The following ACSBG2 variants were observed in gnomAD, a reference collection of about 807,000 sequenced individuals.
ACSBG2 encodes acyl-CoA synthetase bubblegum family member 2.
Under a neutral mutation model 74.7 loss-of-function variants are expected in ACSBG2, and 62 were observed. The observed-to-expected ratio is 0.83, with a 90% CI of 0.68 to 1.03. The LOEUF (loss-of-function observed/expected upper bound fraction) is 1.03, where lower values mean the gene tolerates loss of function less well. Ranked by LOEUF, ACSBG2 falls within the 50% of genes least tolerant of loss-of-function variation. The pLI, the probability that ACSBG2 is intolerant of heterozygous loss-of-function variation, is 0.00. For synonymous variants in ACSBG2, 309 were observed against 294.1 expected, an observed-to-expected ratio of 1.05 and a Z score of -0.52; for missense variants, 730 against 817.6, an observed-to-expected ratio of 0.89 and a Z score of 1.31.
At chr19:6,148,354 G>C (rs2089117928) in intron 3 of ACSBG2, 1 of 153,178 alleles carries the variant, frequency 6.5e-6, no homozygotes, top group Admixed American at 6.5e-5. Context: ...GCAAAAGAAA[G>C]AGGGAACAAG....
intron 7 of ACSBG2, among the ~76,000 whole-genome samples, chr19:6,170,964 CCTTT>C (rs913076813): frequency 8.0e-5 from 12 of 150,230 alleles, no homozygotes; most frequent in African/African-American, 2.2e-4. Flanking sequence ...TTATATAATG[CCTTT>C]CTTTGTCTTT....
intron 7 of ACSBG2, among the ~76,000 whole-genome samples, chr19:6,169,920 C>T (rs149047047): frequency 0.012 from 1,879 of 152,204 alleles, 40 homozygotes; most frequent in African/African-American, 0.043. Flanking sequence ...GATTTTTGTA[C>T]ATTGATTTTG....
At chr19:6,158,099 A>G (rs1234411138) in intron 5 of ACSBG2, among the ~76,000 whole-genome samples, 1 of 145,504 alleles carries the variant, frequency 6.9e-6, no homozygotes, top group African/African-American at 2.6e-5. Context: ...TCTGTCGCCC[A>G]GGTTGGAGTG....
At chr19:6,177,914 G>GTGT (rs1491029456) in intron 8 of ACSBG2, among the ~76,000 whole-genome samples, 1 of 136,064 alleles carries the variant, frequency 7.3e-6, no homozygotes, top group South Asian at 2.4e-4. Flanking sequence ...GTGTGTGTGT[G>GTGT]TTTATAAGTC....
At chr19:6,162,488 A>G (rs2145126362) in intron 6 of ACSBG2, among the ~76,000 whole-genome samples, 2 of 145,440 alleles carry the variant, frequency 1.4e-5, no homozygotes, top group South Asian at 4.4e-4. Flanking sequence ...AATGGCGTGA[A>G]CCCAGGAGGC....
intron 7 of ACSBG2, chr19:6,176,434 TC>T: frequency 7.1e-7 from 1 of 1,417,882 alleles, no homozygotes; most frequent in East Asian, 2.6e-5. Context: ...GCTCCTGCCA[TC>T]CACGTGATCT....
At chr19:6,187,463 C>T (rs372826284) in intron 12 of ACSBG2, 41 bp downstream of exon 12, 19 of 1,610,400 alleles carry the variant, frequency 1.2e-5, no homozygotes, top group African/African-American at 6.7e-5. Context: ...TCTCTGCAGC[C>T]GGTCTTGGGT....
chr19:6,184,747 G>A (rs2090349540), intron 10 of ACSBG2, among the ~76,000 whole-genome samples: 1 of 143,496 alleles, frequency 7.0e-6, no homozygotes, highest in Admixed American at 7.4e-5. Flanking sequence ...ACTGCAGAGA[G>A]GTCTACCTGT....
At chr19:6,157,035 C>G (rs2089449666) in intron 5 of ACSBG2, among the ~76,000 whole-genome samples, 1 of 152,094 alleles carries the variant, frequency 6.6e-6, no homozygotes, top group Non-Finnish European at 1.5e-5. Context: ...CAAGCTCTGC[C>G]TCCTGGGTTC....
Position 6,181,775 on chromosome 19 carries a change from T to C in ACSBG2, c.907-976T>C, listed in dbSNP as rs535304598. The stretch of plus-strand genomic sequence containing the variant: ...CCCTAAATTTTGTGGAAGCGTTTGT[T>C]TGTTTTATTTTGTTTTGCATTTGAA... On this transcript the variant is annotated intron_variant, in intron 8 of 14. Transcript: ENST00000588485. Among the ~76,000 whole-genome samples the C allele has an allele frequency of 3.3e-5, 5 of 151,628 alleles. No individual in the cohort carries two copies. The South Asian group carries it at 1.1e-3, about 32-fold the overall frequency.
intron 7 of ACSBG2, among the ~76,000 whole-genome samples, chr19:6,173,095 C>T (rs2090005056): frequency 6.6e-6 from 1 of 152,156 alleles, no homozygotes; most frequent in Admixed American, 6.5e-5. Flanking sequence ...TGTGCCACAC[C>T]CACATTTCCT....
In ACSBG2 at chr19:6,151,763, G is replaced by A; in HGVS notation, c.354G>A (p.Trp118Ter). Residue 118 changes from tryptophan (W) to a stop codon, truncating the protein, a stop_gained, in exon 4 of 15, where the codon TGG becomes TGA. Transcript: ENST00000588485. LOFTEE classifies it high-confidence loss of function. ...TCCTGGGGTTTAACTCTGCAGAGTGGTTTATCACTGCTGTTGGTGCCATCC... is the reference window on the plus strand; with the variant it reads ...TCCTGGGGTTTAACTCTGCAGAGTGATTTATCACTGCTGTTGGTGCCATCC... ...VGILGFNSAE[W>*]FITAVGAILA... 1.2e-6 allele frequency: 2 copies of A among 1,602,082 alleles called. No homozygotes were observed. Among genetic ancestry groups the A allele is most frequent in the Middle Eastern group, 1.7e-4 (1 of 6,000 alleles).
chr19:6,171,140 G>C (rs2089952976), intron 7 of ACSBG2, among the ~76,000 whole-genome samples: 1 of 152,032 alleles, frequency 6.6e-6, no homozygotes, highest in Non-Finnish European at 1.5e-5. Context: ...CTTGAAGGCA[G>C]CAGCAGGTTG....
intron 10 of ACSBG2, among the ~76,000 whole-genome samples, chr19:6,184,218 T>C (rs1285540989): frequency 6.6e-6 from 1 of 152,210 alleles, no homozygotes; most frequent in Non-Finnish European, 1.5e-5. Context: ...ACTCTTTACA[T>C]ATTAGGAAAA....
chr19:6,184,858 A>G (rs1242647042), intron 10 of ACSBG2, among the ~76,000 whole-genome samples: 1 of 145,022 alleles, frequency 6.9e-6, no homozygotes, highest in African/African-American at 2.5e-5. Context: ...AAAAAAAAAA[A>G]AAAAAAAAAA....
At chr19:6,163,419 A>C (rs1302628229) in intron 6 of ACSBG2, among the ~76,000 whole-genome samples, 1 of 87,952 alleles carries the variant, frequency 1.1e-5, no homozygotes, top group Non-Finnish European at 2.7e-5. Flanking sequence ...CACTGCACTC[A>C]AGCCTGGCGA....
intron 1 of ACSBG2, among the ~76,000 whole-genome samples, chr19:6,137,616 T>TTTTATTTATTTA (rs539933351): frequency 2.6e-5 from 4 of 151,970 alleles, no homozygotes; most frequent in Non-Finnish European, 4.4e-5. Context: ...ACTTTTTTAT[T>TTTTATTTATTTA]TTTATTTATT....
chr19:6,162,365 G>C (rs1202371708), intron 6 of ACSBG2, among the ~76,000 whole-genome samples: 1 of 151,036 alleles, frequency 6.6e-6, no homozygotes, highest in East Asian at 1.9e-4. Flanking sequence ...AGAAGATCGA[G>C]ACCATCCTGG....
intron 5 of ACSBG2, among the ~76,000 whole-genome samples, chr19:6,159,819 C>G (rs1343858628): frequency 6.6e-6 from 1 of 152,200 alleles, no homozygotes; most frequent in Non-Finnish European, 1.5e-5. Context: ...CTATCATACT[C>G]TCTTGGGTCC....
Sources: allele counts gnomAD v4.1 joint callset (sites outside exome capture counted in the v4.1 genomes callset), GRCh38; gene constraint gnomAD v4.1.1; transcripts MANE v1.5; gene names NCBI Gene and HGNC (gene_info 2026-07-23, HGNC 2026-07-21).